PIGT: variants seen among roughly 807,000 people sequenced by gnomAD.
PIGT encodes phosphatidylinositol glycan anchor biosynthesis class T.
In PIGT, 57 loss-of-function variants were observed where a neutral mutation model predicts 66.7. That is an observed-to-expected ratio of 0.86 (90% CI 0.69 to 1.07). PIGT has a LOEUF of 1.07. PIGT is among the 50% of genes least tolerant of loss of function. PIGT has a pLI of 0.00. For synonymous variants in PIGT, 362 were observed against 320.5 expected (o/e 1.13, Z -1.38); for missense variants, 725 against 740.4 (o/e 0.98, Z 0.24).
chr20:45,419,733 C>G (rs1990229674), intron 5 of PIGT, 143 bp downstream of exon 5: 1 of 679,528 alleles, frequency 1.5e-6, no homozygotes, highest in Admixed American at 2.4e-5. Flanking sequence ...GGCCAAGCAC[C>G]AAGAAAACAG....
In PIGT at chr20:45,416,689, C is replaced by A; in HGVS notation, c.360C>A (p.Val120=). 6.2e-7 allele frequency: 1 copy of A among 1,612,206 alleles called. No individual in the cohort carries two copies. The highest frequency in any genetic ancestry group is 1.1e-5 in the South Asian group (1 of 90,856). ...AELWVWFQDT[V]TDVDKSWKEL... ...TGTGGGTCTGGTTCCAAGACACTGT[C>A]ACTGAGTGAGTGCACACCTTGGGCC... Residue 120 remains valine (V), a synonymous_variant, in exon 2 of 12, where the codon GTC becomes GTA. Transcript: ENST00000279036.
Position 45,420,159 on chromosome 20 carries a change from C to G in PIGT, c.705C>G (p.Ser235=). The G allele has an allele frequency of 6.2e-7, 1 of 1,612,508 alleles. No homozygotes were observed. The highest frequency in any genetic ancestry group is 8.5e-7 in the Non-Finnish European group (1 of 1,179,310). The change falls in exon 6 of 12, where the codon TCC becomes TCG. Residue 235 remains serine (S), a synonymous_variant. Transcript: ENST00000279036. The stretch of plus-strand genomic sequence containing the variant: ...AGAATGCACGCTGTACTAGCATCTC[C>G]TGGGAGCTGAGGCAGACCCTGTCAG... ...VCRNARCTSI[S]WELRQTLSVV...
chr20:45,420,701 G>A lies in PIGT; in HGVS notation c.1033+8G>A. ...AGAGACCCCCAGAGAATGGTGAGTGGGTGGTTGGTTGGACTGCTGGGTTGC... is the reference window on the plus strand; with the variant it reads ...AGAGACCCCCAGAGAATGGTGAGTGAGTGGTTGGTTGGACTGCTGGGTTGC... On this transcript the variant is annotated splice_region_variant and intron_variant, in intron 8 of 11. Coordinates refer to ENST00000279036, the MANE Select transcript of PIGT (RefSeq NM_015937.6). 6.2e-7 allele frequency: 1 copy of A among 1,613,822 alleles called. No homozygotes were observed. The highest frequency in any genetic ancestry group is 1.1e-5 in the South Asian group (1 of 91,054).
At position 45,426,068 on chromosome 20, in the gene PIGT, A is replaced by G; in HGVS notation, c.*242A>G. ...GGCCACCTCTATATTGAGGTGCTCA[A>G]TAAGCAAAAGTGGTCGGTGGCTGCT... On this transcript the variant is annotated 3_prime_UTR_variant, in exon 12 of 12. Transcript: ENST00000279036. 1 of 569,902 alleles carries G rather than the reference A, an allele frequency of 1.8e-6. No homozygotes were observed. Among genetic ancestry groups the G allele is most frequent in the Non-Finnish European group, 3.1e-6 (1 of 320,172 alleles). 35.3% of individuals were successfully genotyped at this position (569,902 alleles called of 1,614,324 possible).
chr20:45,416,190 C>A lies in PIGT; in HGVS notation c.34C>A (p.Leu12Met). The change falls in exon 1 of 12, where the codon CTG becomes ATG. Residue 12 changes from leucine (L) to methionine (M), a missense_variant. Leu to Met is a conservative substitution (Grantham distance 15, BLOSUM62 2). Coordinates refer to ENST00000279036, the MANE Select transcript of PIGT (RefSeq NM_015937.6). ...AAAMPLALLV[L>M]LLLGPGGWCL... ...GGCTATGCCGCTTGCTCTGCTCGTC[C>A]TGTTGCTCCTGGGGCCCGGCGGCTG... 1 of 1,587,366 alleles carries A rather than the reference C, an allele frequency of 6.3e-7. No homozygotes were observed. The highest frequency in any genetic ancestry group is 2.3e-5 in the East Asian group (1 of 43,132).
At chr20:45,419,734 A>G in intron 5 of PIGT, 144 bp downstream of exon 5, 1 of 677,192 alleles carries the variant, frequency 1.5e-6, no homozygotes, top group Admixed American at 2.4e-5. Flanking sequence ...GCCAAGCACC[A>G]AGAAAACAGT....
chr20:45,421,458 CACTGCTGT>C lies in PIGT; in HGVS notation c.1112_1119del (p.Leu371GlnfsTer74). 6.2e-7 allele frequency: 1 copy of C among 1,614,192 alleles called. No homozygotes were observed. Among genetic ancestry groups the C allele is most frequent in the Non-Finnish European group, 8.5e-7 (1 of 1,180,020 alleles). ...GGGCTGCAGAAGGGGGAGCTGAGCA[CACTGCTGT>C]ACAACACCCACCCATACCGGGCCTT... On this transcript the variant is annotated frameshift_variant, in exon 9 of 12. Transcript: ENST00000279036. LOFTEE classifies it high-confidence loss of function.
At chr20:45,425,149 T>C (rs1228074377) in intron 11 of PIGT, 1 of 40,426 alleles carries the variant, frequency 2.5e-5, no homozygotes, top group Non-Finnish European at 5.3e-5. Context: ...TTCTCTTTCT[T>C]TCTTTCTTTC....
At chr20:45,422,816 C>G (rs969199974) in intron 9 of PIGT, 14 of 152,214 alleles carry the variant, frequency 9.2e-5, no homozygotes, top group African/African-American at 2.9e-4. Context: ...ATCATTACCA[C>G]TTCTGTTTTC....
At chr20:45,423,102 T>C (rs1990480909) in intron 9 of PIGT, 1 of 140,092 alleles carries the variant, frequency 7.1e-6, no homozygotes, top group Non-Finnish European at 1.5e-5. Context: ...CCTCACTCTG[T>C]CACCCAGGCT....
chr20:45,418,694 C>A, intron 2 of PIGT, 158 bp from the exon 3 acceptor site: 2 of 829,316 alleles, frequency 2.4e-6, no homozygotes, highest in Non-Finnish European at 3.9e-6. Flanking sequence ...AGCAAGTGGG[C>A]TGGCTGGGGG....
chr20:45,419,427 GGGGGTGTATAGA>G (rs779325905), intron 4 of PIGT, 32 bp downstream of exon 4: 1 of 1,607,324 alleles, frequency 6.2e-7, no homozygotes, highest in South Asian at 1.1e-5. Context: ...GCCGGGGGCG[GGGGGTGTATAGA>G]GAACCTGCGC....
At position 45,424,493 on chromosome 20, in the gene PIGT, T is replaced by C; in HGVS notation, c.1401-3T>C. ...CACGGGCCATCTCTCTGCTTCTCTG[T>C]AGCCCATCTGTCCTCAGCGCCCTTG... is the stretch of plus-strand genomic sequence containing the variant. On this transcript the variant is annotated splice_region_variant and splice_polypyrimidine_tract_variant and intron_variant, in intron 10 of 11. Transcript: ENST00000279036. The C allele has an allele frequency of 6.2e-7, 1 of 1,614,146 alleles. No homozygotes were observed. The highest frequency in any genetic ancestry group is 8.5e-7 in the Non-Finnish European group (1 of 1,179,970).
rs2145432883 is a variant in PIGT at position 45,416,519 on chromosome 20, T to C, written c.190T>C (p.Ser64Pro). The C allele has an allele frequency of 1.2e-6, 2 of 1,613,876 alleles. No individual in the cohort carries two copies. The highest frequency in any genetic ancestry group is 1.7e-6 in the Non-Finnish European group (2 of 1,179,874). ...CTCACCTGCTCCCGTTTCCCCAGTGTCCCATTACAGGCTCTTTCCCAAAGC... is the reference window on the plus strand; with the variant it reads ...CTCACCTGCTCCCGTTTCCCCAGTGCCCCATTACAGGCTCTTTCCCAAAGC... ...WDSELQREGV[S>P]HYRLFPKALG... Residue 64 changes from serine (S) to proline (P), a missense_variant and splice_region_variant, in exon 2 of 12, where the codon TCC becomes CCC. Around this residue, in one of 3 missense-constraint regions of PIGT, gnomAD observed 559 missense variants for 552.7 expected, o/e 1.01. Transcript: ENST00000279036.
In PIGT at chr20:45,426,195, A is replaced by T; in HGVS notation, c.*369A>T. On this transcript the variant is annotated 3_prime_UTR_variant, in exon 12 of 12. Coordinates refer to ENST00000279036, the MANE Select transcript of PIGT (RefSeq NM_015937.6). Reference sequence around the variant, plus strand: ...TGCTACACAGTGTATGTCACTGTGTAGTGGATGGAGTTTACTGTTTGTGGA... The same window carrying T: ...TGCTACACAGTGTATGTCACTGTGTTGTGGATGGAGTTTACTGTTTGTGGA... The T allele has an allele frequency of 4.3e-6, 1 of 232,608 alleles. No individual in the cohort carries two copies. The highest frequency in any genetic ancestry group is 8.5e-6 in the Non-Finnish European group (1 of 117,650). 14.4% of individuals were successfully genotyped at this position (232,608 alleles called of 1,614,324 possible).
chr20:45,416,640 T>C lies in PIGT; in HGVS notation c.311T>C (p.Leu104Pro). ...WRTRYWGPPFLQAPSGAELWV... is the reference protein window; with the variant it reads ...WRTRYWGPPFPQAPSGAELWV... ...ACCCGATACTGGGGGCCACCCTTCC[T>C]GCAGGCCCCATCAGGTGCAGAGCTG... Residue 104 changes from leucine (L) to proline (P), a missense_variant, in exon 2 of 12, where the codon CTG (leucine) becomes CCG (proline). Leu to Pro is a moderately conservative substitution (Grantham distance 98, BLOSUM62 -3). Transcript: ENST00000279036. The C allele has an allele frequency of 6.2e-7, 1 of 1,614,132 alleles. No individual in the cohort carries two copies. The highest frequency in any genetic ancestry group is 8.5e-7 in the Non-Finnish European group (1 of 1,179,996).
chr20:45,419,967 G>A (rs1990245665), intron 5 of PIGT, 169 bp from the exon 6 acceptor site: 1 of 619,364 alleles, frequency 1.6e-6, no homozygotes, highest in East Asian at 2.7e-5. Flanking sequence ...TGCACATACA[G>A]CTGTCAGCAC....
At chr20:45,418,539 A>G in intron 2 of PIGT, 1 of 364,968 alleles carries the variant, frequency 2.7e-6, no homozygotes, top group Non-Finnish European at 5.3e-6. Context: ...AGGGGAGGTA[A>G]GCACTGGAGC....
intron 10 of PIGT, 35 bp from the exon 11 acceptor site, chr20:45,424,461 A>G: frequency 6.2e-7 from 1 of 1,613,442 alleles, no homozygotes; most frequent in Admixed American, 1.7e-5. Flanking sequence ...GGGCAGCCAG[A>G]TGGGAACACG....
Sources: gnomAD v4.1 joint callset for allele counts on GRCh38, gnomAD v4.1.1 for gene constraint, gnomAD v4.1.1 regional missense constraint, MANE v1.5 for transcripts, NCBI Gene and HGNC (gene_info 2026-07-23, HGNC 2026-07-21) for gene names.